GRID2: variants seen among roughly 807,000 people sequenced by gnomAD.
The protein encoded by GRID2 is glutamate ionotropic receptor delta type subunit 2.
GRID2 carries 33 observed loss-of-function variants against 114.8 expected under a neutral mutation model. The observed-to-expected ratio is 0.29, with a 90% CI of 0.22 to 0.38. GRID2 has a LOEUF of 0.38. GRID2 is among the 10% of genes least tolerant of loss of function. The pLI, the probability that GRID2 is intolerant of heterozygous loss-of-function variation, is 1.00. For synonymous variants in GRID2, 505 were observed against 449.9 expected (o/e 1.12, Z -1.55); for missense variants, 1,184 against 1,257.7 (o/e 0.94, Z 0.89).
chr4:93,031,930 A>G (rs1250285924), intron 2 of GRID2, among the ~76,000 whole-genome samples: 1 of 152,154 alleles, frequency 6.6e-6, no homozygotes. Flanking sequence ...ATTTGCCAGC[A>G]GATTCTGTGT....
chr4:93,646,029 T>C (rs1006692910), intron 14 of GRID2, among the ~76,000 whole-genome samples: 1 of 152,206 alleles, frequency 6.6e-6, no homozygotes, highest in Admixed American at 6.5e-5. Context: ...ATTCAATCAG[T>C]AAATATTTAT....
chr4:92,999,925 A>T (rs1280310632), intron 2 of GRID2, among the ~76,000 whole-genome samples: 1 of 151,738 alleles, frequency 6.6e-6, no homozygotes, highest in South Asian at 2.1e-4. Context: ...CATCAGGAAC[A>T]GTTTGTCCTA....
chr4:93,104,605 A>G (rs1238941927), intron 3 of GRID2, among the ~76,000 whole-genome samples: 5 of 152,018 alleles, frequency 3.3e-5, no homozygotes, highest in East Asian at 3.9e-4. Flanking sequence ...ATGATTTCCA[A>G]TTTCATCCAT....
intron 1 of GRID2, among the ~76,000 whole-genome samples, chr4:92,308,222 G>A (rs907588172): frequency 6.6e-6 from 1 of 152,146 alleles, no homozygotes; most frequent in Non-Finnish European, 1.5e-5. Flanking sequence ...TTTGTGTTTT[G>A]CTTCATATCA....
intron 2 of GRID2, among the ~76,000 whole-genome samples, chr4:92,733,568 G>A (rs1042205323): frequency 6.6e-6 from 1 of 152,026 alleles, no homozygotes; most frequent in Non-Finnish European, 1.5e-5. Flanking sequence ...TTTGCATGGG[G>A]ATTCATGCAA....
intron 2 of GRID2, among the ~76,000 whole-genome samples, chr4:92,605,582 C>A (rs535501256): frequency 6.6e-6 from 1 of 151,822 alleles, no homozygotes; most frequent in South Asian, 2.1e-4. Context: ...ATGATGGATG[C>A]CAAAAACAAA....
At chr4:93,567,046 C>T (rs942411889) in intron 13 of GRID2, among the ~76,000 whole-genome samples, 3 of 152,106 alleles carry the variant, frequency 2.0e-5, no homozygotes, top group Non-Finnish European at 4.4e-5. Context: ...TCTTTTGCCC[C>T]CTTCTCCACC....
intron 2 of GRID2, among the ~76,000 whole-genome samples, chr4:92,996,177 C>A (rs1005466942): frequency 6.6e-6 from 1 of 151,718 alleles, no homozygotes. Context: ...ATAATCCCAG[C>A]AACTTGGGAG....
chr4:93,547,973 T>C (rs1349715039), intron 13 of GRID2, among the ~76,000 whole-genome samples: 1 of 152,148 alleles, frequency 6.6e-6, no homozygotes, highest in Non-Finnish European at 1.5e-5. Flanking sequence ...GGTCAGGAGT[T>C]CCAGACCAGC....
intron 2 of GRID2, among the ~76,000 whole-genome samples, chr4:92,827,376 T>C (rs112588366): frequency 3.0e-4 from 45 of 150,722 alleles, no homozygotes; most frequent in South Asian, 1.5e-3. Flanking sequence ...CAATACTTTT[T>C]AGCAATGTAA....
chr4:92,837,477 TAA>T (rs76387998), intron 2 of GRID2, among the ~76,000 whole-genome samples: 80 of 127,850 alleles, frequency 6.3e-4, no homozygotes, highest in Non-Finnish European at 7.4e-4. Flanking sequence ...CCCTTCAGGT[TAA>T]AAAAAAAAAA....
intron 9 of GRID2, among the ~76,000 whole-genome samples, chr4:93,413,137 G>A (rs1352490550): frequency 6.6e-6 from 1 of 152,026 alleles, no homozygotes; most frequent in African/African-American, 2.4e-5. Flanking sequence ...GGGTCAAATG[G>A]TATTTCTGGT....
chr4:93,540,822 C>T (rs144085571), intron 13 of GRID2, among the ~76,000 whole-genome samples: 1 of 152,244 alleles, frequency 6.6e-6, no homozygotes, highest in African/African-American at 2.4e-5. Flanking sequence ...TTTATGAATG[C>T]TGTATTTATA....
intron 2 of GRID2, among the ~76,000 whole-genome samples, chr4:92,664,540 T>C (rs1460483882): frequency 2.0e-5 from 3 of 151,192 alleles, no homozygotes; most frequent in Non-Finnish European, 4.5e-5. Flanking sequence ...GGTATCATGT[T>C]CTTTATATGT....
chr4:93,749,965 G>T (rs752643024), intron 14 of GRID2, among the ~76,000 whole-genome samples: 8 of 152,202 alleles, frequency 5.3e-5, no homozygotes, highest in South Asian at 2.1e-4. Flanking sequence ...AACAATGCAG[G>T]TGAAGAGATA....
intron 4 of GRID2, among the ~76,000 whole-genome samples, chr4:93,160,323 A>G (rs189062691): frequency 6.6e-6 from 1 of 151,944 alleles, no homozygotes; most frequent in Admixed American, 6.6e-5. Flanking sequence ...AAATTATTTG[A>G]AAAACCACAA....
intron 2 of GRID2, among the ~76,000 whole-genome samples, chr4:92,860,219 G>T (rs1266508718): frequency 6.6e-6 from 1 of 151,968 alleles, no homozygotes; most frequent in Non-Finnish European, 1.5e-5. Context: ...CTACAGAGTT[G>T]AATAGAACGT....
In GRID2 at chr4:92,308,739, AT is replaced by A. The variant is rs199545915; in HGVS notation, c.88+4006del. ...CCAGAAGATGTGCTGTTCTTTTACC[AT>A]TTTTTTTTTTCAGTTGACTACATGA... On this transcript the variant is annotated intron_variant, in intron 1 of 15. Transcript: ENST00000282020. Among the ~76,000 whole-genome samples the A allele has an allele frequency of 9.1e-3, 1,332 of 146,244 alleles. 14 individuals carry two copies. Among genetic ancestry groups the A allele is most frequent in the African/African-American group, 0.027 (1,096 of 40,266 alleles).
rs758537400 is a variant in GRID2, at chr4:93,490,733, C to A, written c.1953C>A (p.Asn651Lys). 6.2e-7 allele frequency: 1 copy of A among 1,610,536 alleles called. No individual in the cohort carries two copies. Among genetic ancestry groups the A allele is most frequent in the Non-Finnish European group, 8.5e-7 (1 of 1,177,392 alleles). The change falls in exon 12 of 16, where the codon AAC becomes AAA. Residue 651 changes from asparagine (N) to lysine (K), a missense_variant. Asn to Lys is a moderately conservative substitution (Grantham distance 94, BLOSUM62 0). Coordinates refer to ENST00000282020, the MANE Select transcript of GRID2 (RefSeq NM_001510.4). ...ALIVISSYTA[N>K]LAAFLTITRI... ...TTGTTATCTCATCTTACACGGCAAACCTCGCTGCTTTCCTCACTATTACAC... is the reference window on the plus strand; with the variant it reads ...TTGTTATCTCATCTTACACGGCAAAACTCGCTGCTTTCCTCACTATTACAC...
Sources: gnomAD v4.1 joint callset for allele counts (sites outside exome capture counted in the v4.1 genomes callset) on GRCh38, gnomAD v4.1.1 for gene constraint, MANE v1.5 for transcripts, NCBI Gene and HGNC (gene_info 2026-07-23, HGNC 2026-07-21) for gene names.